The following ZUP1 variants were observed in gnomAD, a reference collection of about 807,000 sequenced individuals.
ZUP1 encodes the protein zinc finger containing ubiquitin peptidase 1, also known as zinc finger-containing ubiquitin peptidase 1.
A neutral mutation model predicts 68.1 loss-of-function variants in ZUP1; 55 were observed. The ratio of observed to expected loss-of-function variants is 0.81; its 90% CI spans 0.65 to 1.01. The LOEUF is 1.01. Ranked by LOEUF, ZUP1 falls within the 50% of genes least tolerant of loss-of-function variation. The pLI is 0.00. For synonymous variants in ZUP1, 223 were observed against 221.5 expected (o/e 1.01, Z -0.06); for missense variants, 684 against 674.9 (o/e 1.01, Z -0.15).
intron 3 of ZUP1, among the ~76,000 whole-genome samples, chr6:116,660,033 G>C (rs980362295): frequency 6.6e-6 from 1 of 152,134 alleles, no homozygotes; most frequent in Non-Finnish European, 1.5e-5. Flanking sequence ...CTCATACAAA[G>C]CCTATCATAA....
chr6:116,636,852 A>G (rs1269931829), intron 9 of ZUP1, among the ~76,000 whole-genome samples: 1 of 152,190 alleles, frequency 6.6e-6, no homozygotes, highest in Non-Finnish European at 1.5e-5. Context: ...ATACTTTTAA[A>G]AAATGAGTTA....
chr6:116,654,036 A>C (rs549587222), intron 5 of ZUP1, among the ~76,000 whole-genome samples: 1 of 152,124 alleles, frequency 6.6e-6, no homozygotes, highest in East Asian at 1.9e-4. Context: ...TAGCTGCTTA[A>C]ATTAACACTT....
intron 7 of ZUP1, 134 bp from the exon 8 acceptor site, chr6:116,647,744 G>T: frequency 1.5e-6 from 1 of 665,530 alleles, no homozygotes; most frequent in Non-Finnish European, 2.2e-6. Flanking sequence ...AAGAAGAAAA[G>T]TAAATATAAA....
In ZUP1 at chr6:116,635,748, A is replaced by G; in HGVS notation, c.*84T>C. On this transcript the variant is annotated 3_prime_UTR_variant, in exon 10 of 10. Coordinates refer to ENST00000368576, the MANE Select transcript of ZUP1 (RefSeq NM_145062.3). ...AAGACTTAAGAGAATTCACAGATTCATAATTGTATTAAGGAGTTCAATATC... is the reference window on the plus strand; with the variant it reads ...AAGACTTAAGAGAATTCACAGATTCGTAATTGTATTAAGGAGTTCAATATC... 1 of 1,063,780 alleles carries G rather than the reference A, an allele frequency of 9.4e-7. No individual in the cohort carries two copies. The highest frequency in any genetic ancestry group is 1.6e-5 in the South Asian group (1 of 61,646). 65.9% of individuals were successfully genotyped at this position (1,063,780 alleles called of 1,614,324 possible). A position where few individuals can be genotyped will look rare whatever the true frequency, so the allele number is the denominator to read the frequency against.
At chr6:116,657,106 G>A (rs1352715181) in intron 4 of ZUP1, among the ~76,000 whole-genome samples, 1 of 151,998 alleles carries the variant, frequency 6.6e-6, no homozygotes, top group Non-Finnish European at 1.5e-5. Context: ...CCTGTAGTAG[G>A]GAAAGCAGAG....
intron 1 of ZUP1, among the ~76,000 whole-genome samples, chr6:116,667,674 T>A (rs1366402127): frequency 6.6e-6 from 1 of 152,100 alleles, no homozygotes; most frequent in Non-Finnish European, 1.5e-5. Flanking sequence ...GCTATTTAAG[T>A]GCTATTATTG....
intron 5 of ZUP1, among the ~76,000 whole-genome samples, chr6:116,652,469 G>C (rs1209328380): frequency 2.0e-5 from 3 of 152,064 alleles, no homozygotes; most frequent in Non-Finnish European, 2.9e-5. Flanking sequence ...TGTTCTTCTT[G>C]TGTCTCCATT....
intron 9 of ZUP1, among the ~76,000 whole-genome samples, chr6:116,636,907 T>G (rs1775924352): frequency 6.6e-6 from 1 of 152,128 alleles, no homozygotes; most frequent in African/African-American, 2.4e-5. Context: ...TTTTGTCCTT[T>G]AAATAAAGCT....
chr6:116,666,268 T>G (rs878981756), intron 2 of ZUP1, among the ~76,000 whole-genome samples: 6 of 152,096 alleles, frequency 3.9e-5, no homozygotes, highest in Admixed American at 3.9e-4. Flanking sequence ...AGAACTGATA[T>G]CACAGAGAGT....
intron 7 of ZUP1, among the ~76,000 whole-genome samples, chr6:116,650,741 T>A (rs769203080): frequency 1.1e-4 from 16 of 152,128 alleles, no homozygotes; most frequent in Non-Finnish European, 2.2e-4. Flanking sequence ...ACTAAGATCT[T>A]AGACAACTCA....
intron 9 of ZUP1, among the ~76,000 whole-genome samples, chr6:116,644,595 C>T (rs9374618): frequency 3.0e-4 from 45 of 150,900 alleles, no homozygotes; most frequent in African/African-American, 9.5e-4. Flanking sequence ...AAGAACAAAA[C>T]ACCAAACACC....
intron 9 of ZUP1, among the ~76,000 whole-genome samples, chr6:116,638,374 G>A (rs1031864741): frequency 3.3e-5 from 5 of 151,836 alleles, no homozygotes; most frequent in South Asian, 2.1e-4. Flanking sequence ...ATAATATTAC[G>A]TTCCCCCCTG....
chr6:116,656,157 G>A (rs955282448), intron 5 of ZUP1, among the ~76,000 whole-genome samples: 2 of 151,514 alleles, frequency 1.3e-5, no homozygotes, highest in African/African-American at 4.9e-5. Flanking sequence ...TCGGCTCACC[G>A]CAACCTCCGC....
chr6:116,640,424 AG>A (rs1776060099), intron 9 of ZUP1, among the ~76,000 whole-genome samples: 1 of 152,326 alleles, frequency 6.6e-6, no homozygotes, highest in Non-Finnish European at 1.5e-5. Flanking sequence ...AAAAATGTTA[AG>A]GGCAGCCAGA....
chr6:116,638,313 T>TAG (rs1775966543), intron 9 of ZUP1, among the ~76,000 whole-genome samples: 1 of 152,198 alleles, frequency 6.6e-6, no homozygotes, highest in Admixed American at 6.5e-5. Flanking sequence ...TGCTATCATA[T>TAG]AGCTTCAGTT....
At chr6:116,647,298 G>A (rs1364256926) in intron 8 of ZUP1, among the ~76,000 whole-genome samples, 161 bp downstream of exon 8, 1 of 152,124 alleles carries the variant, frequency 6.6e-6, no homozygotes, top group Non-Finnish European at 1.5e-5. Flanking sequence ...GGTGGAGGTT[G>A]CAGCGAGCCA....
intron 4 of ZUP1, among the ~76,000 whole-genome samples, chr6:116,657,532 G>C (rs914641571): frequency 1.3e-5 from 2 of 152,082 alleles, no homozygotes; most frequent in Admixed American, 6.6e-5. Context: ...AGTATTGTGA[G>C]TCACCAGTGA....
chr6:116,656,704 T>C lies in ZUP1; in HGVS notation c.941A>G (p.Asp314Gly), dbSNP rs1435589646. ...CTCACCGGAAGTTTTTGTTTTTCCA[T>C]CGTCAAAACCAAGAGCTAATGATTC... Reference protein sequence around the residue: ...MMESLALGFDDGKTKTSGIIE... With the variant: ...MMESLALGFDGGKTKTSGIIE... The change falls in exon 5 of 10, where the codon GAT becomes GGT. Residue 314 changes from aspartate to glycine, a missense_variant. Coordinates refer to ENST00000368576, the MANE Select transcript of ZUP1 (RefSeq NM_145062.3). The C allele has an allele frequency of 6.2e-7, 1 of 1,609,934 alleles. No individual in the cohort carries two copies. The highest frequency in any genetic ancestry group is 2.2e-5 in the East Asian group (1 of 44,660).
chr6:116,658,856 T>C lies in ZUP1; in HGVS notation c.739A>G (p.Lys247Glu). ...TGTCTTGATTCTTCAGATCTCCTCT[T>C]TCTGTCTTCTTCTTGCTGAAGCTGG... ...AHQLQQEEDRKRRSEESRQEI... is the reference protein window; with the variant it reads ...AHQLQQEEDRERRSEESRQEI... The change falls in exon 4 of 10, where the codon AAG (lysine) becomes GAG (glutamate). Residue 247 changes from lysine (K) to glutamate (E), a missense_variant. Coordinates refer to ENST00000368576, the MANE Select transcript of ZUP1 (RefSeq NM_145062.3). The C allele has an allele frequency of 6.2e-7, 1 of 1,611,354 alleles. No homozygotes were observed. The highest frequency in any genetic ancestry group is 8.5e-7 in the Non-Finnish European group (1 of 1,178,620).
Sources: allele counts gnomAD v4.1 joint callset (sites outside exome capture counted in the v4.1 genomes callset), GRCh38; gene constraint gnomAD v4.1.1; transcripts MANE v1.5; gene names NCBI Gene and HGNC (gene_info 2026-07-23, HGNC 2026-07-21).